Variants in ARHGAP15 observed in about 807,000 individuals in gnomAD.
ARHGAP15 encodes rho GTPase-activating protein 15.
Under a neutral mutation model 63.7 loss-of-function variants are expected in ARHGAP15, and 51 were observed. The ratio of observed to expected loss-of-function variants is 0.80; its 90% confidence interval spans 0.64 to 1.01. The LOEUF is 1.01. Among genes scored for constraint, ARHGAP15 ranks in the 50% least tolerant of loss-of-function variants. The pLI is 0.00. For synonymous variants in ARHGAP15, 191 were observed against 193.8 expected, an observed-to-expected ratio of 0.99 and a Z score of 0.12; for missense variants, 560 against 564.6, an observed-to-expected ratio of 0.99 and a Z score of 0.08.
Position 143,342,682 on chromosome 2 carries a change from T to A in ARHGAP15, c.474+92082T>A, listed in dbSNP as rs536289276. ...AGTTTGTGTAGAATTATTTCTTTGT[T>A]AAGTCTGTGTGTCAGAAACTATGCT... On this transcript the variant is annotated intron_variant, in intron 6 of 13. Coordinates refer to ENST00000295095, the MANE Select transcript of ARHGAP15 (RefSeq NM_018460.4). Among the ~76,000 whole-genome samples, 179 of 152,216 alleles carry A rather than the reference T, an allele frequency of 1.2e-3. 1 individual carries two copies. Among genetic ancestry groups the A allele is most frequent in the Middle Eastern group, 3.4e-3 (1 of 294 alleles).
chr2:143,210,238 A>G (rs1692513333), intron 3 of ARHGAP15, among the ~76,000 whole-genome samples: 1 of 152,076 alleles, frequency 6.6e-6, no homozygotes, highest in Non-Finnish European at 1.5e-5. Context: ...GGTGAGCTAT[A>G]GTAAAAGCCT....
intron 6 of ARHGAP15, among the ~76,000 whole-genome samples, chr2:143,252,407 T>A (rs1440549503): frequency 2.6e-5 from 4 of 152,110 alleles, no homozygotes; most frequent in Non-Finnish European, 1.5e-5. Flanking sequence ...TGAATGTAGA[T>A]CCTTCCAAAG....
intron 2 of ARHGAP15, among the ~76,000 whole-genome samples, chr2:143,159,492 C>T (rs1171793790): frequency 6.6e-6 from 1 of 151,814 alleles, no homozygotes; most frequent in Admixed American, 6.6e-5. Flanking sequence ...GAAGTGGATC[C>T]TGATATTTAA....
At chr2:143,591,684 G>A (rs1056793596) in intron 11 of ARHGAP15, among the ~76,000 whole-genome samples, 4 of 148,930 alleles carry the variant, frequency 2.7e-5, no homozygotes, top group African/African-American at 9.9e-5. Flanking sequence ...GCAATGGCAC[G>A]ATCTCGGCTC....
chr2:143,440,946 C>T (rs548204963), intron 8 of ARHGAP15, among the ~76,000 whole-genome samples: 145 of 152,298 alleles, frequency 9.5e-4, no homozygotes, highest in African/African-American at 3.4e-3. Flanking sequence ...ATAAATCTTG[C>T]ATCAGATAAC....
intron 11 of ARHGAP15, among the ~76,000 whole-genome samples, chr2:143,568,914 C>A (rs1023532640): frequency 6.6e-6 from 1 of 152,082 alleles, no homozygotes; most frequent in Non-Finnish European, 1.5e-5. Context: ...ATCACAAGGA[C>A]AGAAAATGAA....
At position 143,752,067 on chromosome 2, in the gene ARHGAP15, C is replaced by A. The variant is rs547390831; in HGVS notation, c.1245-15922C>A. Among the ~76,000 whole-genome samples, 165 of 152,294 alleles carry A rather than the reference C, an allele frequency of 1.1e-3. 3 individuals carry two copies. The South Asian group carries it at 0.03, about 28-fold the overall frequency. On this transcript the variant is annotated intron_variant, in intron 13 of 13. Coordinates refer to ENST00000295095, the MANE Select transcript of ARHGAP15 (RefSeq NM_018460.4). ...TGTTCCAGAGGATGCTATGTTCTAGCGACCATCTCATAATTCTCTGAGTCG... is the reference window on the plus strand; with the variant it reads ...TGTTCCAGAGGATGCTATGTTCTAGAGACCATCTCATAATTCTCTGAGTCG...
chr2:143,379,332 G>T (rs1686952965), intron 6 of ARHGAP15, among the ~76,000 whole-genome samples: 1 of 151,240 alleles, frequency 6.6e-6, no homozygotes, highest in Admixed American at 6.6e-5. Flanking sequence ...TAACAAGGTG[G>T]TTTTTTAGGC....
intron 6 of ARHGAP15, among the ~76,000 whole-genome samples, chr2:143,273,841 T>A (rs990724567): frequency 2.6e-5 from 4 of 152,162 alleles, no homozygotes; most frequent in Non-Finnish European, 5.9e-5. Context: ...TATTGCTAAT[T>A]TATTTCCTGA....
At chr2:143,249,876 G>T (rs999712068) in intron 5 of ARHGAP15, among the ~76,000 whole-genome samples, 1 of 152,096 alleles carries the variant, frequency 6.6e-6, no homozygotes, top group Non-Finnish European at 1.5e-5. Context: ...AATTATATTT[G>T]TGTGTATAGT....
chr2:143,386,490 G>A (rs1417870540), intron 6 of ARHGAP15, among the ~76,000 whole-genome samples: 1 of 152,130 alleles, frequency 6.6e-6, no homozygotes, highest in Non-Finnish European at 1.5e-5. Flanking sequence ...TCATGCTTGA[G>A]AAAGTAACAT....
intron 1 of ARHGAP15, among the ~76,000 whole-genome samples, chr2:143,143,578 T>C (rs1558772073): frequency 6.6e-6 from 1 of 150,942 alleles, no homozygotes; most frequent in East Asian, 1.9e-4. Context: ...TTTTTTTTTT[T>C]TTTGTCCCTC....
intron 13 of ARHGAP15, among the ~76,000 whole-genome samples, chr2:143,727,797 ATTT>A (rs914830324): frequency 2.6e-5 from 4 of 151,986 alleles, no homozygotes; most frequent in African/African-American, 9.7e-5. Context: ...AGGAAACCAG[ATTT>A]TTTTTACTCT....
chr2:143,647,175 C>G (rs1680920211), intron 12 of ARHGAP15, among the ~76,000 whole-genome samples: 1 of 151,572 alleles, frequency 6.6e-6, no homozygotes, highest in African/African-American at 2.4e-5. Flanking sequence ...AACCAGAAGA[C>G]CTAGAGTATG....
At chr2:143,303,137 G>A (rs778256380) in intron 6 of ARHGAP15, among the ~76,000 whole-genome samples, 4 of 152,068 alleles carry the variant, frequency 2.6e-5, no homozygotes, top group African/African-American at 4.8e-5. Flanking sequence ...AAAAACAATG[G>A]CAACAAAAGC....
intron 12 of ARHGAP15, among the ~76,000 whole-genome samples, chr2:143,652,769 T>C (rs934165675): frequency 1.2e-4 from 18 of 152,104 alleles, no homozygotes; most frequent in Admixed American, 2.6e-4. Flanking sequence ...TTTTGTACTC[T>C]GCAACATTGC....
At chr2:143,750,171 G>A (rs1046503397) in intron 13 of ARHGAP15, among the ~76,000 whole-genome samples, 1 of 152,234 alleles carries the variant, frequency 6.6e-6, no homozygotes, top group Non-Finnish European at 1.5e-5. Context: ...TGGGCGTGGT[G>A]GCTCACACCT....
chr2:143,421,751 A>T (rs1688926549), intron 6 of ARHGAP15, among the ~76,000 whole-genome samples: 1 of 151,250 alleles, frequency 6.6e-6, no homozygotes, highest in Admixed American at 6.6e-5. Flanking sequence ...ATATAAATGA[A>T]CATATGCACA....
intron 11 of ARHGAP15, among the ~76,000 whole-genome samples, chr2:143,574,313 G>T (rs1696582323): frequency 6.6e-6 from 1 of 152,034 alleles, no homozygotes; most frequent in Non-Finnish European, 1.5e-5. Context: ...AAAGCCCAAA[G>T]ACCTTCCTTA....
Sources: allele counts gnomAD v4.1 joint callset (sites outside exome capture counted in the v4.1 genomes callset), GRCh38; gene constraint gnomAD v4.1.1; transcripts MANE v1.5; gene names NCBI Gene and HGNC (gene_info 2026-07-23, HGNC 2026-07-21).